The following TMEM266 variants were observed in gnomAD, a reference collection of about 807,000 sequenced individuals.
TMEM266 encodes Hv1 related protein 1.
A neutral mutation model predicts 50.5 loss-of-function variants in TMEM266; 33 were observed. That is an observed-to-expected ratio of 0.65 (90% confidence interval 0.50 to 0.87). TMEM266 has a LOEUF of 0.87. Among genes scored for constraint, TMEM266 ranks in the 40% least tolerant of loss-of-function variants. The pLI is 0.00. For missense variants in TMEM266, 655 were observed against 695.1 expected, an observed-to-expected ratio of 0.94 and a Z score of 0.65; for synonymous variants, 310 against 292.3, an observed-to-expected ratio of 1.06 and a Z score of -0.62.
At chr15:76,152,956 C>G (rs1327505734) in intron 3 of TMEM266, among the ~76,000 whole-genome samples, 1 of 152,140 alleles carries the variant, frequency 6.6e-6, no homozygotes, top group African/African-American at 2.4e-5. Context: ...CATCCCCTGC[C>G]TGGCATTCGA....
At chr15:76,200,782 A>G (rs1246152530) in intron 9 of TMEM266, among the ~76,000 whole-genome samples, 1 of 152,140 alleles carries the variant, frequency 6.6e-6, no homozygotes, top group Non-Finnish European at 1.5e-5. Flanking sequence ...CTGCAAGAAG[A>G]GTGTAGCTGG....
intron 9 of TMEM266, among the ~76,000 whole-genome samples, chr15:76,193,837 C>T (rs2038617118): frequency 6.6e-6 from 1 of 152,238 alleles, no homozygotes; most frequent in African/African-American, 2.4e-5. Context: ...GATTGTTTCT[C>T]CTCCAGGGAC....
chr15:76,076,220 T>C lies in TMEM266; in HGVS notation c.-97+16204T>C, dbSNP rs575485275. Among the ~76,000 whole-genome samples the C allele has an allele frequency of 2.0e-4, 31 of 152,122 alleles. No individual in the cohort carries two copies. In the South Asian group the frequency reaches 6.2e-3, roughly 31 times the overall value. Reference sequence around the variant, plus strand: ...TGAAGATCTGTGCCTTATTTCTTGATAGCAAGTCACCTCTCCTGTTTCTTG... The same window carrying C: ...TGAAGATCTGTGCCTTATTTCTTGACAGCAAGTCACCTCTCCTGTTTCTTG... On this transcript the variant is annotated intron_variant, in intron 1 of 10. Coordinates refer to ENST00000388942, the MANE Select transcript of TMEM266 (RefSeq NM_152335.3).
chr15:76,192,125 A>G lies in TMEM266; in HGVS notation c.926A>G (p.Glu309Gly). ...ACGTGGGACGAGGAGACGGCGGCCGAGAGCGTCGTGGAGGAGCTGCAGCCC... is the reference window on the plus strand; with the variant it reads ...ACGTGGGACGAGGAGACGGCGGCCGGGAGCGTCGTGGAGGAGCTGCAGCCC... The change falls in exon 9 of 11, where the codon GAG (glutamate) becomes GGG (glycine). Residue 309 changes from glutamate (E) to glycine (G), a missense_variant. Glu to Gly is a moderately conservative substitution (Grantham distance 98). Coordinates refer to ENST00000388942, the MANE Select transcript of TMEM266 (RefSeq NM_152335.3). 1 of 1,412,472 alleles carries G rather than the reference A, an allele frequency of 7.1e-7. No homozygotes were observed. The highest frequency in any genetic ancestry group is 9.2e-7 in the Non-Finnish European group (1 of 1,084,494). The allele number at this position is 1,412,472 out of a possible 1,614,324, so 87.5% of individuals were successfully genotyped here.
In TMEM266 at chr15:76,161,480, T is replaced by C. The variant is rs1179782958; in HGVS notation, c.456+1312T>C. Among the ~76,000 whole-genome samples the C allele has an allele frequency of 2.0e-5, 3 of 151,758 alleles. No individual in the cohort carries two copies. The highest frequency in any genetic ancestry group is 2.1e-4 in the South Asian group (1 of 4,802). ...TGGCTCTGCTCTCTCTCTCTCTCTC[T>C]CCCTAAAAATCAGGAGGGAGCTGGG... On this transcript the variant is annotated intron_variant, in intron 5 of 10. Transcript: ENST00000388942. This position sits in a 1 kb window ranked among gnomAD's most constrained non-coding sequence, Gnocchi z 4.1.
At chr15:76,164,434 C>CA (rs1183057319) in intron 5 of TMEM266, among the ~76,000 whole-genome samples, 17 of 152,158 alleles carry the variant, frequency 1.1e-4, no homozygotes, top group Non-Finnish European at 2.5e-4. Context: ...TCTCAAACTC[C>CA]TGAGCTCAAG....
At chr15:76,085,084 T>C (rs1191184540) in intron 1 of TMEM266, among the ~76,000 whole-genome samples, 2 of 150,956 alleles carry the variant, frequency 1.3e-5, no homozygotes, top group African/African-American at 2.4e-5. Flanking sequence ...CTCAGCCTCC[T>C]GAGTAGCTGG....
intron 1 of TMEM266, among the ~76,000 whole-genome samples, chr15:76,126,338 A>G (rs1202700063): frequency 1.4e-5 from 2 of 147,640 alleles, no homozygotes; most frequent in African/African-American, 5.0e-5. Flanking sequence ...TCAATAGACA[A>G]ATATGTGTGT....
chr15:76,203,382 C>T (rs534155034), intron 10 of TMEM266, among the ~76,000 whole-genome samples: 3 of 152,216 alleles, frequency 2.0e-5, no homozygotes, highest in Non-Finnish European at 4.4e-5. Context: ...ATCACTGTTA[C>T]TCCAGCACCC....
At chr15:76,201,361 C>T (rs1374363668) in intron 9 of TMEM266, among the ~76,000 whole-genome samples, 2 of 152,182 alleles carry the variant, frequency 1.3e-5, no homozygotes, top group Non-Finnish European at 2.9e-5. Context: ...CTCCCATTCC[C>T]TCCCTGCTCC....
At chr15:76,191,890 C>A (rs2038577735) in intron 8 of TMEM266, 78 bp from the exon 9 acceptor site, 3 of 1,359,102 alleles carry the variant, frequency 2.2e-6, no homozygotes, top group Non-Finnish European at 2.9e-6. Context: ...CATGCAGGAG[C>A]AAAGCGCCCA....
chr15:76,176,613 A>G (rs1465242590), intron 8 of TMEM266: 2 of 152,272 alleles, frequency 1.3e-5, no homozygotes, highest in Non-Finnish European at 2.9e-5. Context: ...TGCGCAAGCC[A>G]GAGACGCTAA....
rs1193978601 is a variant in TMEM266, at chr15:76,135,958, T to G, written c.38+1657T>G. ...CAGCTGTGGGTTTTTTTTTTTTTCT[T>G]TTGAGATAGAGTTTCACTCTTGTTG... On this transcript the variant is annotated intron_variant, in intron 2 of 10. Transcript: ENST00000388942. 2.0e-5 allele frequency among the ~76,000 whole-genome samples: 3 copies of G among 151,998 alleles called. No individual in the cohort carries two copies. In the East Asian group the frequency reaches 5.8e-4, roughly 29 times the overall value.
At chr15:76,136,884 G>A (rs1241851588) in intron 2 of TMEM266, among the ~76,000 whole-genome samples, 1 of 152,150 alleles carries the variant, frequency 6.6e-6, no homozygotes, top group African/African-American at 2.4e-5. Flanking sequence ...CCGTGGTCAT[G>A]GTGGCAACCA....
intron 7 of TMEM266, 27 bp from the exon 8 acceptor site, chr15:76,175,532 C>A (rs747084863): frequency 6.3e-7 from 1 of 1,590,450 alleles, no homozygotes; most frequent in Non-Finnish European, 8.6e-7. Context: ...CTGCTGAATT[C>A]TTTACAGGGC....
intron 7 of TMEM266, among the ~76,000 whole-genome samples, chr15:76,174,117 G>C (rs1233202417): frequency 6.6e-6 from 1 of 152,088 alleles, no homozygotes; most frequent in Non-Finnish European, 1.5e-5. Context: ...GGCTGCTTCC[G>C]TGCCAACTAT....
rs1228091695 is a variant in TMEM266, at chr15:76,153,594, G to A, written c.228-3010G>A. Among the ~76,000 whole-genome samples, 1 of 152,196 alleles carries A rather than the reference G, an allele frequency of 6.6e-6. No individual in the cohort carries two copies. The highest frequency in any genetic ancestry group is 6.5e-5 in the Admixed American group (1 of 15,282). Reference sequence around the variant, plus strand: ...GGGCCCTAGAAAAGACCATGCTAGAGCTGTGGGGGAGGAGTGAGCAGGCAG... The same window carrying A: ...GGGCCCTAGAAAAGACCATGCTAGAACTGTGGGGGAGGAGTGAGCAGGCAG... On this transcript the variant is annotated intron_variant, in intron 3 of 10. Transcript: ENST00000388942. This position sits in a 1 kb window ranked among gnomAD's most constrained non-coding sequence, Gnocchi z 4.2.
intron 8 of TMEM266, among the ~76,000 whole-genome samples, chr15:76,186,170 T>A (rs2038487756): frequency 6.6e-6 from 1 of 152,146 alleles, no homozygotes. Context: ...GGCCCCTGCT[T>A]TGCTTCTGAA....
intron 8 of TMEM266, among the ~76,000 whole-genome samples, chr15:76,190,589 A>T (rs2038553213): frequency 6.7e-6 from 1 of 150,264 alleles, no homozygotes; most frequent in Non-Finnish European, 1.5e-5. Context: ...TGGGGGATGG[A>T]TGGGATGTTG....
Sources: gnomAD v4.1 joint callset for allele counts (sites outside exome capture counted in the v4.1 genomes callset) on GRCh38, gnomAD v4.1.1 for gene constraint, Gnocchi (gnomAD v3.1) non-coding constraint, MANE v1.5 for transcripts, NCBI Gene and HGNC (gene_info 2026-07-23, HGNC 2026-07-21) for gene names.